The following ABHD12 variants were observed in gnomAD, a reference collection of about 807,000 sequenced individuals.
The protein encoded by ABHD12 is lysophosphatidylserine lipase ABHD12.
A neutral mutation model predicts 58.3 loss-of-function variants in ABHD12; 43 were observed. The ratio of observed to expected loss-of-function variants is 0.74; its 90% CI spans 0.58 to 0.95. The LOEUF (loss-of-function observed/expected upper bound fraction) is 0.95. ABHD12 is among the 40% of genes least tolerant of loss of function. ABHD12 has a pLI of 0.00. For missense variants in ABHD12, 539 were observed against 537.2 expected (o/e 1.00, Z -0.03); for synonymous variants, 219 against 211.2 (o/e 1.04, Z -0.32).
chr20:25,385,355 A>AAG (rs1209752047), intron 1 of ABHD12, among the ~76,000 whole-genome samples: 90 of 136,158 alleles, frequency 6.6e-4, no homozygotes, highest in African/African-American at 2.4e-3. Flanking sequence ...AAAAAAAAAA[A>AAG]GAGGAAAACG....
intron 1 of ABHD12, among the ~76,000 whole-genome samples, chr20:25,363,220 ACTTT>A (rs1042170012): frequency 6.7e-6 from 1 of 148,228 alleles, no homozygotes; most frequent in Non-Finnish European, 1.5e-5. Flanking sequence ...TTGACATTTT[ACTTT>A]TTTTTTTTTT....
intron 2 of ABHD12, among the ~76,000 whole-genome samples, chr20:25,324,141 T>C (rs2089132260): frequency 6.6e-6 from 1 of 152,142 alleles, no homozygotes; most frequent in Admixed American, 6.5e-5. Flanking sequence ...CACCTCACAC[T>C]GTGGAAGACC....
downstream of ABHD12, chr20:25,296,755 T>A: frequency 3.5e-6 from 2 of 567,552 alleles, no homozygotes; most frequent in Non-Finnish European, 6.0e-6. Context: ...GTACAAAGGG[T>A]CGTGGCCAGC....
chr20:25,380,578 G>GC (rs2090010871), intron 1 of ABHD12, among the ~76,000 whole-genome samples: 1 of 151,576 alleles, frequency 6.6e-6, no homozygotes, highest in African/African-American at 2.4e-5. Flanking sequence ...TTAGGCTTTT[G>GC]CTCCCACCAC....
rs776224682 is a variant in ABHD12, at chr20:25,339,293, T to A, written c.250A>T (p.Ile84Phe). 6.2e-7 allele frequency: 1 copy of A among 1,614,174 alleles called. No homozygotes were observed. The highest frequency in any genetic ancestry group is 8.5e-7 in the Non-Finnish European group (1 of 1,180,030). The change falls in exon 2 of 13, where the codon ATT becomes TTT. Residue 84 changes from isoleucine (I) to phenylalanine (F), a missense_variant. Physicochemically the swap from Ile to Phe is conservative, Grantham distance 21 (BLOSUM62 0). Coordinates refer to ENST00000339157, the MANE Select transcript of ABHD12 (RefSeq NM_001042472.3). Reference protein sequence around the residue: ...KILFCVLGLYIAIPFLIKLCP... With the variant: ...KILFCVLGLYFAIPFLIKLCP... ...AGTTTGATGAGAAATGGAATGGCAA[T>A]GTACAACCCCAAAACACAGAAAAGT... is the stretch of plus-strand genomic sequence containing the variant.
chr20:25,332,462 G>C (rs538677661), intron 2 of ABHD12, among the ~76,000 whole-genome samples: 1 of 149,822 alleles, frequency 6.7e-6, no homozygotes, highest in South Asian at 2.1e-4. Context: ...AGACCTAATA[G>C]ACATCTACAG....
chr20:25,313,104 A>G (rs1222295188), intron 6 of ABHD12, among the ~76,000 whole-genome samples: 1 of 152,300 alleles, frequency 6.6e-6, no homozygotes, highest in Non-Finnish European at 1.5e-5. Context: ...CTCATTGAGA[A>G]CGGGCCATGA....
intron 4 of ABHD12, among the ~76,000 whole-genome samples, chr20:25,317,506 C>T (rs113329094): frequency 0.079 from 11,969 of 152,264 alleles, 692 homozygotes; most frequent in South Asian, 0.18. Context: ...ACCTTCAGAA[C>T]TCTGCTTAGC....
At chr20:25,366,639 T>C (rs1456686501) in intron 1 of ABHD12, among the ~76,000 whole-genome samples, 1 of 152,236 alleles carries the variant, frequency 6.6e-6, no homozygotes, top group Non-Finnish European at 1.5e-5. Flanking sequence ...TTCAAGACTT[T>C]AGAATTTCAC....
chr20:25,390,388 G>T (rs1179261228), intron 1 of ABHD12, 125 bp downstream of exon 1: 1 of 981,570 alleles, frequency 1.0e-6, no homozygotes, highest in African/African-American at 1.7e-5. Context: ...GGACGGGGGC[G>T]GCCGCGGATC....
chr20:25,321,765 C>G (rs948398984), intron 3 of ABHD12, among the ~76,000 whole-genome samples: 4 of 152,220 alleles, frequency 2.6e-5, no homozygotes, highest in African/African-American at 9.6e-5. Flanking sequence ...CTGTGCAAAA[C>G]AAGTCATGCT....
chr20:25,341,246 T>A (rs1355751678), intron 1 of ABHD12, among the ~76,000 whole-genome samples: 1 of 152,164 alleles, frequency 6.6e-6, no homozygotes, highest in East Asian at 1.9e-4. Flanking sequence ...TGGTGAGAGG[T>A]ACCTGCTGCT....
intron 2 of ABHD12, among the ~76,000 whole-genome samples, chr20:25,336,303 G>C (rs1282020109): frequency 3.3e-5 from 3 of 91,734 alleles, no homozygotes; most frequent in Non-Finnish European, 6.3e-5. Context: ...TACTATTCAG[G>C]GTTCTTTTTT....
Position 25,352,262 on chromosome 20 carries a change from G to A in ABHD12, c.192-12911C>T, listed in dbSNP as rs568991079. Reference sequence around the variant, plus strand: ...TCGCCTTGGCCTCCCAAAGTGTTAGGATTACAGACATGAGCCACCGCACCT... The same window carrying A: ...TCGCCTTGGCCTCCCAAAGTGTTAGAATTACAGACATGAGCCACCGCACCT... On this transcript the variant is annotated intron_variant, in intron 1 of 12. Coordinates refer to ENST00000339157, the MANE Select transcript of ABHD12 (RefSeq NM_001042472.3). Among the ~76,000 whole-genome samples the A allele has an allele frequency of 2.8e-4, 42 of 151,808 alleles. No individual in the cohort carries two copies. The South Asian group carries it at 5.6e-3, about 20-fold the overall frequency.
intron 12 of ABHD12, among the ~76,000 whole-genome samples, chr20:25,301,267 G>A (rs1188854934): frequency 6.6e-6 from 1 of 152,228 alleles, no homozygotes; most frequent in Non-Finnish European, 1.5e-5. Context: ...AAGGGACACA[G>A]TTTTGCCTCT....
chr20:25,303,549 C>CCT lies in ABHD12; in HGVS notation c.1028_1029dup (p.Leu344SerfsTer43), dbSNP rs768947324. The CCT allele has an allele frequency of 6.2e-7, 1 of 1,613,566 alleles. No individual in the cohort carries two copies. Among genetic ancestry groups the CCT allele is most frequent in the South Asian group, 1.1e-5 (1 of 91,012 alleles). ...CACCAGAGGCAGAGGCCAGGACCCA[C>CCT]CTTTCTGCCAAGCTGGAAGGGCACC... On this transcript the variant is annotated frameshift_variant and splice_region_variant. Coordinates refer to ENST00000339157, the MANE Select transcript of ABHD12 (RefSeq NM_001042472.3). LOFTEE classifies it high-confidence loss of function.
intron 7 of ABHD12, among the ~76,000 whole-genome samples, chr20:25,309,221 A>G (rs1296908126): frequency 6.6e-6 from 1 of 152,044 alleles, no homozygotes; most frequent in African/African-American, 2.4e-5. Context: ...CTCGACCTCC[A>G]CTGCCTATGT....
At chr20:25,322,379 A>ATTT (rs1290185808) in intron 3 of ABHD12, among the ~76,000 whole-genome samples, 4 of 53,718 alleles carry the variant, frequency 7.4e-5, no homozygotes, top group Non-Finnish European at 1.1e-4. Flanking sequence ...ATATATATAT[A>ATTT]TATTTTTTTT....
At position 25,339,664 on chromosome 20, in the gene ABHD12, C is replaced by A. The variant is rs577079253; in HGVS notation, c.192-313G>T. On this transcript the variant is annotated intron_variant, in intron 1 of 12. Coordinates refer to ENST00000339157, the MANE Select transcript of ABHD12 (RefSeq NM_001042472.3). Reference sequence around the variant, plus strand: ...GCAGAGAAAGCAGACCCCACCATGCCCCCCACCTGACATCAGACCCCAGCT... The same window carrying A: ...GCAGAGAAAGCAGACCCCACCATGCACCCCACCTGACATCAGACCCCAGCT... 52 of 1,389,988 alleles carry A rather than the reference C, an allele frequency of 3.7e-5. No individual in the cohort carries two copies. The East Asian group carries it at 2.1e-3, about 57-fold the overall frequency. The allele number at this position is 1,389,988 out of a possible 1,614,324, so 86.1% of individuals were successfully genotyped here. A position where few individuals can be genotyped will look rare whatever the true frequency, so the allele number is the denominator to read the frequency against.
Sources: gnomAD v4.1 joint callset for allele counts (sites outside exome capture counted in the v4.1 genomes callset) on GRCh38, gnomAD v4.1.1 for gene constraint, MANE v1.5 for transcripts, NCBI Gene and HGNC (gene_info 2026-07-23, HGNC 2026-07-21) for gene names.